Variants in CC2D2A observed in about 807,000 individuals in gnomAD.
CC2D2A encodes coiled-coil and C2 domain-containing protein 2A.
A neutral mutation model predicts 212.9 loss-of-function variants in CC2D2A; 155 were observed. The ratio of observed to expected loss-of-function variants is 0.73; its 90% CI spans 0.64 to 0.83. The LOEUF is 0.83. Ranked by LOEUF, CC2D2A falls within the 40% of genes least tolerant of loss-of-function variation. The pLI, the probability that CC2D2A is intolerant of heterozygous loss-of-function variation, is 0.00. For synonymous variants in CC2D2A, 667 were observed against 686.5 expected (o/e 0.97, Z 0.44); for missense variants, 1,856 against 1,956.2 (o/e 0.95, Z 0.97).
chr4:15,502,404 T>C, intron 4 of CC2D2A, 25 bp from the exon 5 acceptor site: 1 of 1,540,034 alleles, frequency 6.5e-7, no homozygotes, highest in Non-Finnish European at 8.8e-7. Flanking sequence ...TTTTATTTTG[T>C]TTTGTTTTTG....
intron 26 of CC2D2A, 143 bp downstream of exon 26, chr4:15,567,929 T>A: frequency 1.7e-6 from 1 of 601,756 alleles, no homozygotes. Flanking sequence ...CCAAGTCCCA[T>A]GCTTTTCCTC....
chr4:15,509,120 T>C (rs1577334702), intron 6 of CC2D2A, among the ~76,000 whole-genome samples: 1 of 152,118 alleles, frequency 6.6e-6, no homozygotes, highest in Non-Finnish European at 1.5e-5. Context: ...CCAGGGTGGA[T>C]AGCAGGACCA....
At chr4:15,596,060 G>T (rs1399225330) in intron 33 of CC2D2A, 25 bp from the exon 34 acceptor site, 1 of 1,522,880 alleles carries the variant, frequency 6.6e-7, no homozygotes. Context: ...TAACATATAT[G>T]CTAATGTAGT....
chr4:15,586,824 G>T (rs1720872643), intron 31 of CC2D2A, among the ~76,000 whole-genome samples: 2 of 152,146 alleles, frequency 1.3e-5, no homozygotes, highest in Admixed American at 1.3e-4. Flanking sequence ...ATCTCATGTT[G>T]TACTGCTTTT....
intron 11 of CC2D2A, among the ~76,000 whole-genome samples, chr4:15,517,250 T>C (rs184966278): frequency 1.2e-3 from 189 of 152,270 alleles, no homozygotes; most frequent in Non-Finnish European, 2.0e-3. Context: ...CCCAGCCCAA[T>C]GCATCCCTTC....
intron 1 of CC2D2A, among the ~76,000 whole-genome samples, chr4:15,472,608 T>A (rs1237888490): frequency 6.6e-6 from 1 of 151,480 alleles, no homozygotes; most frequent in Non-Finnish European, 1.5e-5. Flanking sequence ...ATTTATTAAC[T>A]TATAGAGAAC....
chr4:15,479,303 T>C (rs747998198), intron 3 of CC2D2A: 6 of 1,537,112 alleles, frequency 3.9e-6, no homozygotes, highest in East Asian at 4.9e-5. Context: ...GCTGGGAGCA[T>C]CCCGTGCAGG....
chr4:15,489,369 T>C (rs1446634278), intron 4 of CC2D2A, among the ~76,000 whole-genome samples: 1 of 152,050 alleles, frequency 6.6e-6, no homozygotes, highest in African/African-American at 2.4e-5. Flanking sequence ...AGCTGGAGAA[T>C]GGGATGAACA....
Position 15,536,935 on chromosome 4 carries a change from G to A in CC2D2A, c.1623G>A (p.Gln541=). Reference sequence around the variant, plus strand: ...TATTTTAAAGGGAAAAAGCTGACCAGAAAGCAGATGAAGAAGCATATGAAG... The same window carrying A: ...TATTTTAAAGGGAAAAAGCTGACCAAAAAGCAGATGAAGAAGCATATGAAG... ...KLVLRKEKAD[Q]KADEEAYEAE... Residue 541 remains glutamine, a synonymous_variant, in exon 15 of 37, where the codon CAG becomes CAA. Coordinates refer to ENST00000424120, the MANE Select transcript of CC2D2A (RefSeq NM_001378615.1). 6.2e-7 allele frequency: 1 copy of A among 1,613,696 alleles called. No homozygotes were observed. The highest frequency in any genetic ancestry group is 2.2e-5 in the East Asian group (1 of 44,888).
Position 15,502,841 on chromosome 4 carries a change from T to C in CC2D2A, c.356T>C (p.Leu119Ser). Residue 119 changes from leucine (L) to serine (S), a missense_variant, in exon 6 of 37, where the codon TTG (leucine) becomes TCG (serine). Leu to Ser is a moderately radical substitution (Grantham distance 145, BLOSUM62 -2). Around this residue, in one of 5 missense-constraint regions of CC2D2A, gnomAD observed 1,512 missense variants for 1,579.3 expected, o/e 0.96. Transcript: ENST00000424120. The part of the protein sequence containing the change: ...QAARSKAESA[L>S]LQEIPTPRPR... The stretch of plus-strand genomic sequence containing the variant: ...TTTTAGTCCAAAGCAGAAAGTGCAT[T>C]GCTGCAGGAAATCCCCACTCCTCGG... 2 of 1,611,094 alleles carry C rather than the reference T, an allele frequency of 1.2e-6. No homozygotes were observed. Among genetic ancestry groups the C allele is most frequent in the Non-Finnish European group, 8.5e-7 (1 of 1,178,760 alleles).
chr4:15,484,764 G>A (rs1315581301), intron 4 of CC2D2A, among the ~76,000 whole-genome samples: 2 of 152,202 alleles, frequency 1.3e-5, no homozygotes, highest in Admixed American at 1.3e-4. Context: ...AGAAAGGGCA[G>A]GTTTGAAGGT....
At chr4:15,540,814 C>G in intron 16 of CC2D2A, 23 bp from the exon 17 acceptor site, 1 of 1,582,026 alleles carries the variant, frequency 6.3e-7, no homozygotes, top group Non-Finnish European at 8.6e-7. Flanking sequence ...CTAACTCCAC[C>G]TGTGAATGGT....
Position 15,471,722 on chromosome 4 carries a change from T to C in CC2D2A, c.-19+1665T>C, listed in dbSNP as rs141052827. Among the ~76,000 whole-genome samples, 794 of 151,908 alleles carry C rather than the reference T, an allele frequency of 5.2e-3. 5 individuals are homozygous for C. The highest frequency in any genetic ancestry group is 0.018 in the African/African-American group (752 of 41,426). On this transcript the variant is annotated intron_variant, in intron 1 of 36. Coordinates refer to ENST00000424120, the MANE Select transcript of CC2D2A (RefSeq NM_001378615.1). The stretch of plus-strand genomic sequence containing the variant: ...GCTGAAGTTGGAACTCAGGTCCACA[T>C]ATTCCTTGGCAAAGAAATATGTGGA...
chr4:15,574,945 G>C (rs534786620), intron 29 of CC2D2A, among the ~76,000 whole-genome samples: 1 of 152,322 alleles, frequency 6.6e-6, no homozygotes, highest in African/African-American at 2.4e-5. Context: ...GGAACGCTAC[G>C]CATGTGGGAG....
chr4:15,601,038 A>C (rs1721569714), intron 36 of CC2D2A, among the ~76,000 whole-genome samples, 199 bp from the exon 37 acceptor site: 1 of 152,198 alleles, frequency 6.6e-6, no homozygotes, highest in Admixed American at 6.5e-5. Context: ...CAGGTGGCTT[A>C]TACACCTATA....
intron 8 of CC2D2A, among the ~76,000 whole-genome samples, chr4:15,513,433 T>C (rs533055370): frequency 1.3e-5 from 2 of 152,328 alleles, no homozygotes; most frequent in Admixed American, 6.5e-5. Context: ...ATTGCGAATA[T>C]CTTCTGAAAT....
At chr4:15,470,685 CTCTCTATATATATATATA>C (rs1345506199) in intron 1 of CC2D2A, among the ~76,000 whole-genome samples, 489 of 40,238 alleles carry the variant, frequency 0.012, 1 homozygote, top group East Asian at 0.044. Context: ...CTCTCTCTCT[CTCTCTATATATATATATA>C]TATATATATA....
chr4:15,499,933 GA>G (rs1715828120), intron 4 of CC2D2A, among the ~76,000 whole-genome samples: 2 of 151,852 alleles, frequency 1.3e-5, no homozygotes, highest in Admixed American at 1.3e-4. Flanking sequence ...ACCTGGGGAG[GA>G]GGAAACGGGT....
chr4:15,539,280 T>C (rs1377562142), intron 16 of CC2D2A, among the ~76,000 whole-genome samples: 1 of 152,178 alleles, frequency 6.6e-6, no homozygotes, highest in Non-Finnish European at 1.5e-5. Flanking sequence ...TTCTGATGCA[T>C]GTTATGGTAT....
Sources: gnomAD v4.1 joint callset for allele counts (sites outside exome capture counted in the v4.1 genomes callset) on GRCh38, gnomAD v4.1.1 for gene constraint, gnomAD v4.1.1 regional missense constraint, MANE v1.5 for transcripts, NCBI Gene and HGNC (gene_info 2026-07-23, HGNC 2026-07-21) for gene names.